The following UBE2E3 variants were observed in gnomAD, a reference collection of about 807,000 sequenced individuals.
The protein encoded by UBE2E3 is ubiquitin-conjugating enzyme E2 E3.
Under a neutral mutation model 23.6 loss-of-function variants are expected in UBE2E3, and 5 were observed. The observed-to-expected ratio is 0.21, with a 90% confidence interval of 0.11 to 0.44. UBE2E3 has a LOEUF of 0.44. Ranked by LOEUF, UBE2E3 falls within the 20% of genes least tolerant of loss-of-function variation. The probability of loss-of-function intolerance (pLI) is 0.99; values close to 1 mark genes in which losing one functional copy is unlikely to be tolerated. For synonymous variants in UBE2E3, 78 were observed against 87.5 expected (o/e 0.89, Z 0.60); for missense variants, 81 against 249.8 (o/e 0.32, Z 4.55).
chr2:181,016,995 TG>T (rs1330007559), intron 3 of UBE2E3, among the ~76,000 whole-genome samples: 3 of 152,188 alleles, frequency 2.0e-5, no homozygotes, highest in Non-Finnish European at 4.4e-5. Flanking sequence ...ACTGGCAATT[TG>T]ATCCCATCTG....
chr2:181,041,234 C>CA (rs1206207155), intron 3 of UBE2E3, among the ~76,000 whole-genome samples: 32,139 of 77,078 alleles, frequency 0.42, 7,897 homozygotes, highest in East Asian at 0.61. Context: ...GACTCCGTCT[C>CA]AAAAAAAAAA....
intron 3 of UBE2E3, among the ~76,000 whole-genome samples, chr2:180,985,712 A>T (rs1049629659): frequency 2.0e-5 from 3 of 152,146 alleles, no homozygotes; most frequent in South Asian, 4.1e-4. Flanking sequence ...GTGTATTCTG[A>T]TATTTCCCAT....
intron 3 of UBE2E3, among the ~76,000 whole-genome samples, chr2:180,988,243 G>T (rs538328406): frequency 3.9e-5 from 6 of 152,162 alleles, no homozygotes; most frequent in Non-Finnish European, 8.8e-5. Context: ...ACTGTTGCTG[G>T]CATTTTCTCT....
rs116475989 is a variant in UBE2E3 at position 181,052,116 on chromosome 2, C to T, written c.246-5577C>T. ...TATTATTAATCTGAGTGAATCTTAT[C>T]TAGTTGTTAAGGTTGAGAAAAGAAA... On this transcript the variant is annotated intron_variant, in intron 3 of 5. Coordinates refer to ENST00000410062, the MANE Select transcript of UBE2E3 (RefSeq NM_006357.4). Among the ~76,000 whole-genome samples, 355 of 151,804 alleles carry T rather than the reference C, an allele frequency of 2.3e-3. 1 individual carries two copies. The highest frequency in any genetic ancestry group is 8.3e-3 in the African/African-American group (344 of 41,464).
chr2:181,058,031 CTTAA>C (rs1687034432), intron 4 of UBE2E3, among the ~76,000 whole-genome samples: 1 of 151,606 alleles, frequency 6.6e-6, no homozygotes, highest in Admixed American at 6.6e-5. Flanking sequence ...GAGTTTAATT[CTTAA>C]TTGTAAATAA....
intron 3 of UBE2E3, among the ~76,000 whole-genome samples, chr2:181,056,907 A>T (rs1687004375): frequency 6.6e-6 from 1 of 151,902 alleles, no homozygotes; most frequent in East Asian, 2.0e-4. Context: ...GTGTGCCTCC[A>T]AATGTGATAC....
chr2:181,027,285 G>T (rs565786420), intron 3 of UBE2E3, among the ~76,000 whole-genome samples: 1 of 152,024 alleles, frequency 6.6e-6, no homozygotes, highest in Admixed American at 6.6e-5. Flanking sequence ...CTCAACAAGT[G>T]TGGGAAAGTG....
chr2:180,989,875 T>C (rs1245705955), intron 3 of UBE2E3: 1 of 1,543,638 alleles, frequency 6.5e-7, no homozygotes, highest in South Asian at 1.2e-5. Flanking sequence ...ATATGTTTAC[T>C]TTTCAGGAAA....
chr2:181,055,009 C>T (rs1226368932), intron 3 of UBE2E3, among the ~76,000 whole-genome samples: 2 of 151,750 alleles, frequency 1.3e-5, no homozygotes, highest in Non-Finnish European at 2.9e-5. Flanking sequence ...GTTGCTGGAC[C>T]AGTCAAATAA....
chr2:181,035,629 C>T (rs139830127), intron 3 of UBE2E3, among the ~76,000 whole-genome samples: 12 of 152,260 alleles, frequency 7.9e-5, no homozygotes, highest in Non-Finnish European at 1.5e-4. Context: ...CGTCCCAGGA[C>T]GTTTTTCTAG....
At chr2:181,046,559 A>AC (rs2105468303) in intron 3 of UBE2E3, among the ~76,000 whole-genome samples, 1 of 152,296 alleles carries the variant, frequency 6.6e-6, no homozygotes, top group East Asian at 1.9e-4. Flanking sequence ...ACATATGGTT[A>AC]AGTTGTAATT....
intron 3 of UBE2E3, chr2:180,989,791 A>G: frequency 1.5e-6 from 2 of 1,331,810 alleles, no homozygotes; most frequent in Non-Finnish European, 2.0e-6. Context: ...ATGCTCACAT[A>G]ACCAGTCATA....
chr2:181,048,724 T>C (rs1324619781), intron 3 of UBE2E3, among the ~76,000 whole-genome samples: 3 of 152,114 alleles, frequency 2.0e-5, no homozygotes, highest in African/African-American at 7.2e-5. Context: ...TAAATAAATA[T>C]GATTCTTTCT....
intron 3 of UBE2E3, among the ~76,000 whole-genome samples, chr2:181,033,219 C>G (rs1686142637): frequency 1.3e-5 from 2 of 152,142 alleles, no homozygotes; most frequent in Admixed American, 1.3e-4. Context: ...CCCGCATTGC[C>G]AAGACAATCC....
Position 180,984,069 on chromosome 2 carries a change from C to T in UBE2E3, c.221C>T (p.Thr74Ile). ...ATTCAGAAGGAGCTAGCTGAAATAA[C>T]CCTTGATCCTCCTCCTAATTGCAGG... ...KRIQKELAEI[T>I]LDPPPNCSAG... The change falls in exon 3 of 6, where the codon ACC becomes ATC. Residue 74 changes from threonine (T) to isoleucine (I), a missense_variant. Physicochemically the swap from Thr to Ile is moderately conservative, Grantham distance 89. Transcript: ENST00000410062. 1 of 1,611,756 alleles carries T rather than the reference C, an allele frequency of 6.2e-7. No individual in the cohort carries two copies. The highest frequency in any genetic ancestry group is 8.5e-7 in the Non-Finnish European group (1 of 1,178,480).
intron 3 of UBE2E3, among the ~76,000 whole-genome samples, chr2:181,026,666 C>T (rs1353248974): frequency 1.3e-5 from 2 of 151,792 alleles, no homozygotes; most frequent in Non-Finnish European, 2.9e-5. Flanking sequence ...GACTCCGGCC[C>T]TTTCGTGTAT....
At chr2:180,983,831 T>C (rs1684374440) in intron 2 of UBE2E3, among the ~76,000 whole-genome samples, 1 of 152,220 alleles carries the variant, frequency 6.6e-6, no homozygotes, top group African/African-American at 2.4e-5. Context: ...GACTTACTTG[T>C]TTGCAGCAGC....
At chr2:181,011,357 A>T (rs1279382751) in intron 3 of UBE2E3, among the ~76,000 whole-genome samples, 1 of 152,028 alleles carries the variant, frequency 6.6e-6, no homozygotes, top group Non-Finnish European at 1.5e-5. Context: ...GGGAGAGATA[A>T]CTGCACACAA....
chr2:180,989,094 A>G (rs1346163685), intron 3 of UBE2E3, among the ~76,000 whole-genome samples: 4 of 152,142 alleles, frequency 2.6e-5, no homozygotes, highest in African/African-American at 9.7e-5. Flanking sequence ...GCATCAGCAT[A>G]AACCTCAAAA....
Sources: gnomAD v4.1 joint callset for allele counts (sites outside exome capture counted in the v4.1 genomes callset) on GRCh38, gnomAD v4.1.1 for gene constraint, MANE v1.5 for transcripts, NCBI Gene and HGNC (gene_info 2026-07-23, HGNC 2026-07-21) for gene names.